ITPR2: variants seen among roughly 807,000 people sequenced by gnomAD.
The protein encoded by ITPR2 is inositol 1,4,5-trisphosphate receptor type 2, also known as inositol 1,4,5-trisphosphate-gated calcium channel ITPR2.
ITPR2 carries 207 observed loss-of-function variants against 317.1 expected under a neutral mutation model. The ratio of observed to expected loss-of-function variants is 0.65; its 90% CI spans 0.58 to 0.73. The LOEUF (loss-of-function observed/expected upper bound fraction) is 0.73, where lower values mean the gene tolerates loss of function less well. Among genes scored for constraint, ITPR2 ranks in the 30% least tolerant of loss-of-function variants. ITPR2 has a pLI of 0.00. For synonymous variants in ITPR2, 1,156 were observed against 1,149.1 expected, an observed-to-expected ratio of 1.01 and a Z score of -0.12; for missense variants, 2,613 against 3,284.0, an observed-to-expected ratio of 0.80 and a Z score of 4.99.
intron 55 of ITPR2, among the ~76,000 whole-genome samples, chr12:26,368,786 G>A (rs969740253): frequency 3.9e-5 from 6 of 152,044 alleles, no homozygotes; most frequent in Non-Finnish European, 7.4e-5. Context: ...TCTAAGTCCC[G>A]ATAATACAAC....
chr12:26,607,895 A>C (rs943216901), intron 26 of ITPR2, among the ~76,000 whole-genome samples: 1 of 152,162 alleles, frequency 6.6e-6, no homozygotes, highest in African/African-American at 2.4e-5. Context: ...CCTGGCTAAC[A>C]CAGTGAAACC....
intron 52 of ITPR2, 108 bp from the exon 53 acceptor site, chr12:26,400,366 A>T: frequency 1.0e-5 from 5 of 480,822 alleles, no homozygotes; most frequent in African/African-American, 2.0e-5. Context: ...CATATACATA[A>T]GTATGTAAAT....
chr12:26,520,954 T>C (rs1327913214), intron 37 of ITPR2, among the ~76,000 whole-genome samples: 2 of 152,210 alleles, frequency 1.3e-5, no homozygotes, highest in Non-Finnish European at 2.9e-5. Flanking sequence ...TATAACATGC[T>C]CCTTTTTAGA....
chr12:26,764,448 A>G (rs1450253391), intron 2 of ITPR2, among the ~76,000 whole-genome samples: 3 of 152,090 alleles, frequency 2.0e-5, no homozygotes, highest in Non-Finnish European at 4.4e-5. Flanking sequence ...TATGCAAAAG[A>G]CATACCTGAT....
chr12:26,449,525 A>C (rs1370328638), intron 45 of ITPR2, among the ~76,000 whole-genome samples: 2 of 152,228 alleles, frequency 1.3e-5, no homozygotes. Flanking sequence ...GGAGGAATTA[A>C]AACAATGATA....
At chr12:26,368,193 A>G (rs1244098228) in intron 55 of ITPR2, among the ~76,000 whole-genome samples, 1 of 152,212 alleles carries the variant, frequency 6.6e-6, no homozygotes, top group Non-Finnish European at 1.5e-5. Flanking sequence ...GGTTTTAATT[A>G]CAACACCACA....
At position 26,682,119 on chromosome 12, in the gene ITPR2, A is replaced by C. The variant is rs562733030; in HGVS notation, c.1249-85T>G. On this transcript the variant is annotated intron_variant, in intron 12 of 56. Coordinates refer to ENST00000381340, the MANE Select transcript of ITPR2 (RefSeq NM_002223.4). ...CTAACACATCTAGTACTGTTTAAGA[A>C]ATATAAGACAAGAATAGATCATCCG... 1.3e-4 allele frequency: 146 copies of C among 1,098,638 alleles called. No individual in the cohort carries two copies. The African/African-American group carries it at 2.1e-3, about 16-fold the overall frequency. 68.1% of individuals were successfully genotyped at this position (1,098,638 alleles called of 1,614,324 possible).
chr12:26,348,214 A>G (rs1271734239), intron 55 of ITPR2, among the ~76,000 whole-genome samples: 1 of 152,242 alleles, frequency 6.6e-6, no homozygotes, highest in African/African-American at 2.4e-5. Context: ...AAGCCACACA[A>G]GTCACGCTGC....
chr12:26,469,789 A>G (rs1320911081), intron 45 of ITPR2, among the ~76,000 whole-genome samples: 1 of 152,078 alleles, frequency 6.6e-6, no homozygotes, highest in African/African-American at 2.4e-5. Context: ...TTTCCTCCAC[A>G]GTGGTAAACT....
chr12:26,600,207 G>T, intron 28 of ITPR2, 98 bp from the exon 29 acceptor site: 1 of 1,016,882 alleles, frequency 9.8e-7, no homozygotes, highest in Non-Finnish European at 1.4e-6. Context: ...TTTTCTCTCT[G>T]CCCATCTTTG....
At chr12:26,476,435 A>G (rs7960940) in intron 44 of ITPR2, among the ~76,000 whole-genome samples, 7,675 of 152,312 alleles carry the variant, frequency 0.05, 249 homozygotes, top group Middle Eastern at 0.13. Context: ...TCTCTGTGGA[A>G]TCTCTACTAG....
Position 26,632,067 on chromosome 12 carries a change from G to A in ITPR2, c.2741-8C>T, listed in dbSNP as rs746578527. ...TTCTCATCACATTGTTTCCTGGCATGAGAAAATGCCGTAAGTCAACACACA... is the reference window on the plus strand; with the variant it reads ...TTCTCATCACATTGTTTCCTGGCATAAGAAAATGCCGTAAGTCAACACACA... On this transcript the variant is annotated splice_polypyrimidine_tract_variant and splice_region_variant and intron_variant, in intron 21 of 56. Coordinates refer to ENST00000381340, the MANE Select transcript of ITPR2 (RefSeq NM_002223.4). 6.6e-7 allele frequency: 1 copy of A among 1,525,716 alleles called. No individual in the cohort carries two copies. The highest frequency in any genetic ancestry group is 1.3e-5 in the South Asian group (1 of 76,082). 94.5% of individuals were successfully genotyped at this position (1,525,716 alleles called of 1,614,324 possible).
intron 41 of ITPR2, among the ~76,000 whole-genome samples, chr12:26,485,381 T>C (rs1488022585): frequency 1.3e-5 from 2 of 152,226 alleles, no homozygotes; most frequent in Non-Finnish European, 2.9e-5. Flanking sequence ...TAATGTATTA[T>C]ACACCCTATA....
At chr12:26,629,110 T>C (rs1456101666) in intron 22 of ITPR2, among the ~76,000 whole-genome samples, 1 of 152,210 alleles carries the variant, frequency 6.6e-6, no homozygotes, top group African/African-American at 2.4e-5. Context: ...TGGTATCATC[T>C]AACTTCATCT....
intron 21 of ITPR2, among the ~76,000 whole-genome samples, chr12:26,643,160 A>G (rs1241897027): frequency 6.6e-6 from 1 of 152,062 alleles, no homozygotes; most frequent in African/African-American, 2.4e-5. Context: ...GCAGACCCCC[A>G]CTGGACACCA....
At chr12:26,382,880 T>G (rs1359685810) in intron 55 of ITPR2, among the ~76,000 whole-genome samples, 1 of 152,204 alleles carries the variant, frequency 6.6e-6, no homozygotes, top group African/African-American at 2.4e-5. Flanking sequence ...TATTAAAATG[T>G]CATCAATAGA....
At chr12:26,663,926 G>T in intron 14 of ITPR2, 80 bp from the exon 15 acceptor site, 3 of 1,275,176 alleles carry the variant, frequency 2.4e-6, no homozygotes, top group Non-Finnish European at 2.1e-6. Context: ...TAAGAACATT[G>T]ATTCAAAAAA....
chr12:26,400,259 C>A lies in ITPR2; in HGVS notation c.7400-1G>T. ...ATTCCATCTTCATACTCTTCATCAG[C>A]TATAAAAACACATACAAATATATGA... On this transcript the variant is annotated splice_acceptor_variant, in intron 52 of 56. Coordinates refer to ENST00000381340, the MANE Select transcript of ITPR2 (RefSeq NM_002223.4). LOFTEE classifies it high-confidence loss of function. 6.6e-7 allele frequency: 1 copy of A among 1,518,574 alleles called. No individual in the cohort carries two copies. The allele number at this position is 1,518,574 out of a possible 1,614,324, so 94.1% of individuals were successfully genotyped here.
Position 26,527,959 on chromosome 12 carries a change from C to T in ITPR2, c.5073+22288G>A, listed in dbSNP as rs555620152. Among the ~76,000 whole-genome samples, 119 of 152,252 alleles carry T rather than the reference C, an allele frequency of 7.8e-4. 1 individual carries two copies. The highest frequency in any genetic ancestry group is 2.7e-3 in the East Asian group (14 of 5,184). Reference sequence around the variant, plus strand: ...TCATGCCTCCTTTGAAAAAGGGAAGCGCCTTATGTGACTGGTGGTTTGGAA... The same window carrying T: ...TCATGCCTCCTTTGAAAAAGGGAAGTGCCTTATGTGACTGGTGGTTTGGAA... On this transcript the variant is annotated intron_variant, in intron 37 of 56. Transcript: ENST00000381340.
Sources: allele counts gnomAD v4.1 joint callset (sites outside exome capture counted in the v4.1 genomes callset), GRCh38; gene constraint gnomAD v4.1.1; transcripts MANE v1.5; gene names NCBI Gene and HGNC (gene_info 2026-07-23, HGNC 2026-07-21).